The following PRDM16 variants were observed in gnomAD, a reference collection of about 807,000 sequenced individuals.
The protein encoded by PRDM16 is PR/SET domain 16.
A neutral mutation model predicts 110.6 loss-of-function variants in PRDM16; 23 were observed. The observed-to-expected ratio is 0.21, with a 90% CI of 0.15 to 0.29. The LOEUF is 0.29. Among genes scored for constraint, PRDM16 ranks in the 10% least tolerant of loss-of-function variants. PRDM16 has a pLI of 1.00. For missense variants in PRDM16, 1,615 were observed against 1,794.3 expected, an observed-to-expected ratio of 0.90 and a Z score of 1.81; for synonymous variants, 799 against 781.8, an observed-to-expected ratio of 1.02 and a Z score of -0.37.
chr1:3,159,801 C>A (rs533268538), intron 1 of PRDM16, among the ~76,000 whole-genome samples: 1 of 152,154 alleles, frequency 6.6e-6, no homozygotes, highest in Non-Finnish European at 1.5e-5. Context: ...CCCAGAGGGA[C>A]CACGAGAGGC....
intron 1 of PRDM16, among the ~76,000 whole-genome samples, chr1:3,140,170 T>C (rs1643519939): frequency 6.6e-6 from 1 of 152,174 alleles, no homozygotes; most frequent in East Asian, 1.9e-4. Context: ...TGGTCCCCGC[T>C]CCCCCGGCGG....
chr1:3,152,375 TCCATC>T (rs1165220275), intron 1 of PRDM16, among the ~76,000 whole-genome samples: 1 of 147,070 alleles, frequency 6.8e-6, no homozygotes, highest in Non-Finnish European at 1.5e-5. Context: ...CATCCATCCA[TCCATC>T]CATTTATCCA....
At chr1:3,383,873 C>A (rs1379892755) in intron 3 of PRDM16, among the ~76,000 whole-genome samples, 2 of 151,746 alleles carry the variant, frequency 1.3e-5, no homozygotes, top group African/African-American at 2.4e-5. Context: ...CAGGACACAC[C>A]TGCAGAAGGA....
At chr1:3,336,770 G>A (rs1251498950) in intron 3 of PRDM16, among the ~76,000 whole-genome samples, 3 of 152,034 alleles carry the variant, frequency 2.0e-5, no homozygotes, top group Non-Finnish European at 4.4e-5. Flanking sequence ...GTGTGTTGGT[G>A]TGAATCTGTG....
intron 3 of PRDM16, among the ~76,000 whole-genome samples, chr1:3,327,484 G>A (rs1208746210): frequency 6.6e-6 from 1 of 152,218 alleles, no homozygotes; most frequent in Non-Finnish European, 1.5e-5. Flanking sequence ...CCACGGTCAG[G>A]ACCAACAACG....
intron 1 of PRDM16, among the ~76,000 whole-genome samples, chr1:3,185,078 C>T (rs1334471757): frequency 6.6e-6 from 1 of 152,200 alleles, no homozygotes; most frequent in Non-Finnish European, 1.5e-5. Flanking sequence ...GGTGAATCTG[C>T]CACTGTGAAC....
intron 1 of PRDM16, among the ~76,000 whole-genome samples, chr1:3,075,997 C>T (rs930466644): frequency 1.3e-5 from 2 of 152,232 alleles, no homozygotes; most frequent in African/African-American, 2.4e-5. Context: ...AAGCCCCCCA[C>T]GCGTGGGGTG....
chr1:3,375,167 C>T (rs925464532), intron 3 of PRDM16, among the ~76,000 whole-genome samples: 6 of 152,162 alleles, frequency 3.9e-5, no homozygotes, highest in Admixed American at 1.3e-4. Context: ...GGTGGGAGAT[C>T]GGGGCTGGGA....
intron 1 of PRDM16, among the ~76,000 whole-genome samples, chr1:3,104,587 C>A (rs1474284740): frequency 8.7e-6 from 1 of 114,400 alleles, no homozygotes; most frequent in Admixed American, 9.2e-5. Flanking sequence ...GCCTGGCTGG[C>A]CCCGCCTACA....
At chr1:3,095,798 C>T (rs976866161) in intron 1 of PRDM16, among the ~76,000 whole-genome samples, 4 of 151,946 alleles carry the variant, frequency 2.6e-5, no homozygotes, top group African/African-American at 9.7e-5. Flanking sequence ...GTCCATCTGC[C>T]CCTTGGAATG....
At chr1:3,234,009 T>G (rs969272088) in intron 2 of PRDM16, among the ~76,000 whole-genome samples, 2 of 152,016 alleles carry the variant, frequency 1.3e-5, no homozygotes, top group African/African-American at 4.8e-5. Context: ...CCCCTTCCAT[T>G]TGTCTTGGCT....
intron 3 of PRDM16, among the ~76,000 whole-genome samples, chr1:3,340,385 A>G (rs1642247836): frequency 6.6e-6 from 1 of 152,028 alleles, no homozygotes; most frequent in Non-Finnish European, 1.5e-5. Context: ...AGGAGCGTTT[A>G]CCTGATCCCC....
chr1:3,405,103 G>A (rs370770342), intron 7 of PRDM16, among the ~76,000 whole-genome samples: 98 of 152,264 alleles, frequency 6.4e-4, no homozygotes, highest in African/African-American at 2.1e-3. Flanking sequence ...GATCAGGGCC[G>A]AGACCAGAAC....
At chr1:3,392,380 A>G (rs1643313059) in intron 4 of PRDM16, among the ~76,000 whole-genome samples, 1 of 152,204 alleles carries the variant, frequency 6.6e-6, no homozygotes, top group South Asian at 2.1e-4. Flanking sequence ...GAGACAAGAA[A>G]GCCCAAAAGT....
chr1:3,324,902 G>T (rs1281389401), intron 3 of PRDM16, among the ~76,000 whole-genome samples: 1 of 152,094 alleles, frequency 6.6e-6, no homozygotes, highest in Non-Finnish European at 1.5e-5. Flanking sequence ...AGTCCCTGAG[G>T]GTCCAGGCCA....
chr1:3,228,651 G>C (rs1416051506), intron 2 of PRDM16, among the ~76,000 whole-genome samples: 4 of 152,162 alleles, frequency 2.6e-5, no homozygotes, highest in Admixed American at 6.5e-5. Context: ...CAGGGCTTCG[G>C]CCTGTACATA....
At chr1:3,229,991 C>A (rs189691545) in intron 2 of PRDM16, among the ~76,000 whole-genome samples, 3 of 152,330 alleles carry the variant, frequency 2.0e-5, no homozygotes, top group African/African-American at 4.8e-5. Context: ...TGCCCTGGCG[C>A]CCGCGTTTAG....
At chr1:3,385,880 A>T (rs1392325816) in intron 4 of PRDM16, among the ~76,000 whole-genome samples, 1 of 152,148 alleles carries the variant, frequency 6.6e-6, no homozygotes, top group African/African-American at 2.4e-5. Flanking sequence ...GGGGCTGAGG[A>T]GCCCCCTAAG....
In PRDM16 at chr1:3,411,439, G is replaced by A; in HGVS notation, c.1242G>A (p.Arg414=). The A allele has an allele frequency of 1.2e-6, 2 of 1,614,178 alleles. No homozygotes were observed. Among genetic ancestry groups the A allele is most frequent in the Non-Finnish European group, 1.7e-6 (2 of 1,180,022 alleles). The change falls in exon 9 of 17, where the codon CGG becomes CGA. Residue 414 remains arginine, a synonymous_variant. Coordinates refer to ENST00000270722, the MANE Select transcript of PRDM16 (RefSeq NM_022114.4). The part of the protein sequence containing the change: ...TQFSNLCRHK[R]MHADCRTQIK... ...TCTCCAACCTGTGCCGGCACAAGCG[G>A]ATGCACGCCGACTGCCGCACGCAGA...
Sources: gnomAD v4.1 joint callset for allele counts (sites outside exome capture counted in the v4.1 genomes callset) on GRCh38, gnomAD v4.1.1 for gene constraint, MANE v1.5 for transcripts, NCBI Gene and HGNC (gene_info 2026-07-23, HGNC 2026-07-21) for gene names.